The following CNTN3 variants were observed in gnomAD, a reference collection of about 807,000 sequenced individuals.
CNTN3 encodes the protein contactin-3.
In CNTN3, 60 loss-of-function variants were observed where a neutral mutation model predicts 119.1. The ratio of observed to expected loss-of-function variants is 0.50; its 90% CI spans 0.41 to 0.62. The LOEUF (loss-of-function observed/expected upper bound fraction) is 0.62, where lower values mean the gene tolerates loss of function less well. CNTN3 is among the 20% of genes least tolerant of loss of function. CNTN3 has a pLI of 0.00. For synonymous variants in CNTN3, 450 were observed against 438.7 expected (o/e 1.03, Z -0.32); for missense variants, 1,101 against 1,242.4 (o/e 0.89, Z 1.71).
At chr3:74,317,147 T>C (rs1335833274) in intron 13 of CNTN3, among the ~76,000 whole-genome samples, 11 of 139,922 alleles carry the variant, frequency 7.9e-5, no homozygotes, top group Non-Finnish European at 1.4e-4. Flanking sequence ...TATCAGAGAC[T>C]AGGATTGCAA....
intron 9 of CNTN3, among the ~76,000 whole-genome samples, chr3:74,364,878 T>A (rs532782009): frequency 6.6e-6 from 1 of 152,316 alleles, no homozygotes; most frequent in South Asian, 2.1e-4. Flanking sequence ...CTTTTTCCCC[T>A]ACAGTTAAAG....
Position 74,494,271 on chromosome 3 carries a change from T to C in CNTN3, c.182+5388A>G, listed in dbSNP as rs373557802. 1.6e-4 allele frequency among the ~76,000 whole-genome samples: 24 copies of C among 152,196 alleles called. No individual in the cohort carries two copies. The South Asian group carries it at 5.0e-3, about 32-fold the overall frequency. ...TGTTTGATCAATACGTGTACATCCA[T>C]TCCCCTTGCCCCACTGAAAAAACAC... On this transcript the variant is annotated intron_variant, in intron 3 of 22. Coordinates refer to ENST00000263665, the MANE Select transcript of CNTN3 (RefSeq NM_020872.3).
At chr3:74,555,291 G>C (rs1162262161) in intron 1 of CNTN3, among the ~76,000 whole-genome samples, 2 of 152,120 alleles carry the variant, frequency 1.3e-5, no homozygotes. Context: ...TAACCTTTTT[G>C]ATGTGCTGCT....
At chr3:74,295,823 G>GT (rs1479820753) in intron 18 of CNTN3, among the ~76,000 whole-genome samples, 2 of 152,054 alleles carry the variant, frequency 1.3e-5, no homozygotes, top group African/African-American at 4.8e-5. Context: ...GTTCACAGTG[G>GT]TTCTCCCTTC....
chr3:74,458,129 T>C (rs1216649140), intron 4 of CNTN3, among the ~76,000 whole-genome samples: 1 of 152,048 alleles, frequency 6.6e-6, no homozygotes, highest in Non-Finnish European at 1.5e-5. Flanking sequence ...CTATAGAGAC[T>C]GAAGAAGGGA....
chr3:74,356,829 C>A (rs1703944873), intron 11 of CNTN3, among the ~76,000 whole-genome samples: 1 of 152,122 alleles, frequency 6.6e-6, no homozygotes, highest in South Asian at 2.1e-4. Flanking sequence ...AGGTGCCTCA[C>A]TGACTGAGAT....
At chr3:74,486,907 A>G (rs1386291433) in intron 3 of CNTN3, among the ~76,000 whole-genome samples, 1 of 152,188 alleles carries the variant, frequency 6.6e-6, no homozygotes, top group South Asian at 2.1e-4. Flanking sequence ...CACTGGGGAA[A>G]AATTAGGCTA....
chr3:74,380,034 G>A, intron 5 of CNTN3, among the ~76,000 whole-genome samples: 1 of 152,152 alleles, frequency 6.6e-6, no homozygotes, highest in East Asian at 1.9e-4. Flanking sequence ...GGACTTTCTG[G>A]TACAGTGATG....
intron 4 of CNTN3, among the ~76,000 whole-genome samples, chr3:74,464,889 TATTC>T (rs1702434233): frequency 6.6e-6 from 1 of 152,184 alleles, no homozygotes; most frequent in African/African-American, 2.4e-5. Context: ...GTCAAGTTAT[TATTC>T]ATTAATTGAT....
intron 11 of CNTN3, among the ~76,000 whole-genome samples, chr3:74,341,891 T>C (rs1444093709): frequency 2.0e-5 from 3 of 152,174 alleles, no homozygotes; most frequent in Non-Finnish European, 2.9e-5. Flanking sequence ...CTTCTGATCA[T>C]TACGGTAATT....
At chr3:74,473,956 C>A (rs1282113462) in intron 4 of CNTN3, among the ~76,000 whole-genome samples, 1 of 152,144 alleles carries the variant, frequency 6.6e-6, no homozygotes. Context: ...TATGAGAAAC[C>A]ATTGGAGGTT....
chr3:74,294,322 G>A (rs761967663), intron 19 of CNTN3, among the ~76,000 whole-genome samples: 47 of 152,128 alleles, frequency 3.1e-4, no homozygotes, highest in Non-Finnish European at 5.9e-4. Flanking sequence ...CTAAATAGGG[G>A]ACCCAGTTCA....
chr3:74,575,459 C>T (rs1704398987), intron 1 of CNTN3, among the ~76,000 whole-genome samples: 2 of 151,934 alleles, frequency 1.3e-5, no homozygotes, highest in South Asian at 4.2e-4. Context: ...ACCATGTTGG[C>T]CAGACTGGTC....
intron 1 of CNTN3, among the ~76,000 whole-genome samples, chr3:74,574,727 A>G (rs1016709953): frequency 6.6e-6 from 1 of 152,172 alleles, no homozygotes; most frequent in Admixed American, 6.5e-5. Flanking sequence ...TTCAAGTTGC[A>G]TTTTGGAAAA....
chr3:74,486,741 C>A (rs1050117782), intron 3 of CNTN3, 110 bp from the exon 4 acceptor site: 9 of 872,098 alleles, frequency 1.0e-5, no homozygotes, highest in Non-Finnish European at 1.5e-5. Flanking sequence ...AAAAGTGATA[C>A]ATATATTATT....
intron 11 of CNTN3, among the ~76,000 whole-genome samples, chr3:74,337,221 T>C (rs1289300739): frequency 6.6e-6 from 1 of 152,120 alleles, no homozygotes; most frequent in African/African-American, 2.4e-5. Flanking sequence ...CAATAAACCT[T>C]ACCTTAGAGT....
At chr3:74,564,944 T>C (rs1280644151) in intron 1 of CNTN3, among the ~76,000 whole-genome samples, 1 of 152,124 alleles carries the variant, frequency 6.6e-6, no homozygotes, top group Non-Finnish European at 1.5e-5. Context: ...TTCTCTCTAC[T>C]TAACAACCCA....
chr3:74,414,017 A>C (rs1468419392), intron 5 of CNTN3, among the ~76,000 whole-genome samples: 1 of 151,808 alleles, frequency 6.6e-6, no homozygotes, highest in Non-Finnish European at 1.5e-5. Flanking sequence ...AAAAGCTATA[A>C]AACCTTAACC....
At chr3:74,564,554 C>T (rs1031975335) in intron 1 of CNTN3, among the ~76,000 whole-genome samples, 2 of 150,300 alleles carry the variant, frequency 1.3e-5, no homozygotes, top group Non-Finnish European at 3.0e-5. Context: ...GCCATTCATT[C>T]CACCAACACT....
Sources: gnomAD v4.1 joint callset for allele counts (sites outside exome capture counted in the v4.1 genomes callset) on GRCh38, gnomAD v4.1.1 for gene constraint, MANE v1.5 for transcripts, NCBI Gene and HGNC (gene_info 2026-07-23, HGNC 2026-07-21) for gene names.